ZRANB3: variants seen among roughly 807,000 people sequenced by gnomAD.
The protein encoded by ZRANB3 is zinc finger RANBP2-type containing 3, also known as DNA annealing helicase and endonuclease ZRANB3.
Under a neutral mutation model 133.8 loss-of-function variants are expected in ZRANB3, and 125 were observed. That is an observed-to-expected ratio of 0.93 (90% CI 0.81 to 1.08). ZRANB3 has a LOEUF of 1.08. ZRANB3 is among the 50% of genes least tolerant of loss of function. The pLI is 0.00. For synonymous variants in ZRANB3, 387 were observed against 432.7 expected (o/e 0.89, Z 1.31); for missense variants, 1,229 against 1,275.5 (o/e 0.96, Z 0.56).
intron 2 of ZRANB3, among the ~76,000 whole-genome samples, chr2:135,485,070 A>G (rs943581607): frequency 6.6e-6 from 1 of 152,058 alleles, no homozygotes; most frequent in Admixed American, 6.6e-5. Flanking sequence ...ATATATTTTT[A>G]AAACCCCAAT....
rs562648745 is a variant in ZRANB3, at chr2:135,403,424, G to A, written c.162-12604C>T. Among the ~76,000 whole-genome samples, 72 of 152,306 alleles carry A rather than the reference G, an allele frequency of 4.7e-4. 1 individual carries two copies. The highest frequency in any genetic ancestry group is 3.4e-3 in the Middle Eastern group (1 of 294). On this transcript the variant is annotated intron_variant, in intron 2 of 20. Coordinates refer to ENST00000264159, the MANE Select transcript of ZRANB3 (RefSeq NM_032143.4). Reference sequence around the variant, plus strand: ...CTGGGGGAGAGGCGCCCGCCATTGCGGAGGCTTGAGTAGGTAAACAAACCA... The same window carrying A: ...CTGGGGGAGAGGCGCCCGCCATTGCAGAGGCTTGAGTAGGTAAACAAACCA...
At chr2:135,295,175 G>T (rs1681990992) in intron 8 of ZRANB3, among the ~76,000 whole-genome samples, 1 of 152,006 alleles carries the variant, frequency 6.6e-6, no homozygotes. Flanking sequence ...TTGATAGTGG[G>T]GTGTTAAAGT....
chr2:135,342,235 G>C lies in ZRANB3; in HGVS notation c.677+3315C>G, dbSNP rs749383586. ...GCCAACACTTAGGGAAAATAGAAAA[G>C]AACCTACATTGAAATATTGGGGGCC... On this transcript the variant is annotated intron_variant, in intron 6 of 20. Transcript: ENST00000264159. 2.0e-5 allele frequency among the ~76,000 whole-genome samples: 3 copies of C among 149,634 alleles called. 1 individual carries two copies. Among genetic ancestry groups the C allele is most frequent in the African/African-American group, 7.7e-5 (3 of 39,092 alleles).
intron 3 of ZRANB3, 60 bp from the exon 4 acceptor site, chr2:135,353,688 T>G (rs1265401518): frequency 8.7e-7 from 1 of 1,148,772 alleles, no homozygotes; most frequent in Non-Finnish European, 1.2e-6. Flanking sequence ...AAAGAAAATA[T>G]TTATCAAACA....
chr2:135,245,410 C>T (rs1404332793), intron 12 of ZRANB3, among the ~76,000 whole-genome samples: 1 of 152,082 alleles, frequency 6.6e-6, no homozygotes, highest in Non-Finnish European at 1.5e-5. Context: ...ATTATACCTG[C>T]TGGATGGAAA....
intron 13 of ZRANB3, among the ~76,000 whole-genome samples, chr2:135,228,861 A>C (rs538918451): frequency 6.6e-6 from 1 of 152,280 alleles, no homozygotes; most frequent in Non-Finnish European, 1.5e-5. Flanking sequence ...TTATTCACAA[A>C]AGGTAGTTTT....
chr2:135,319,197 C>T (rs984942373), intron 6 of ZRANB3, among the ~76,000 whole-genome samples: 1 of 151,656 alleles, frequency 6.6e-6, no homozygotes, highest in African/African-American at 2.4e-5. Flanking sequence ...AAGTGAAGTA[C>T]AAATATGAGT....
Position 135,220,276 on chromosome 2 carries a change from G to A in ZRANB3, c.2251-1098C>T, listed in dbSNP as rs78391311. Among the ~76,000 whole-genome samples, 480 of 150,840 alleles carry A rather than the reference G, an allele frequency of 3.2e-3. 2 individuals carry two copies. Among genetic ancestry groups the A allele is most frequent in the African/African-American group, 0.01 (424 of 41,064 alleles). ...GAGCTATTTCCTTTATAAAGGGGAA[G>A]AAGAACATCTCATACGAAAATCTAT... On this transcript the variant is annotated intron_variant, in intron 15 of 20. Coordinates refer to ENST00000264159, the MANE Select transcript of ZRANB3 (RefSeq NM_032143.4).
chr2:135,319,099 AC>A (rs1332610020), intron 6 of ZRANB3, among the ~76,000 whole-genome samples: 1 of 152,256 alleles, frequency 6.6e-6, no homozygotes, highest in East Asian at 1.9e-4. Context: ...CATGGGCACA[AC>A]TTGACTGACA....
intron 20 of ZRANB3, among the ~76,000 whole-genome samples, chr2:135,201,427 T>C (rs1156676524): frequency 6.6e-6 from 1 of 151,858 alleles, no homozygotes; most frequent in East Asian, 1.9e-4. Context: ...CCAAGGCAGG[T>C]AGATCACCTG....
chr2:135,422,202 C>CT (rs1417116899), intron 2 of ZRANB3, among the ~76,000 whole-genome samples: 10 of 152,156 alleles, frequency 6.6e-5, no homozygotes, highest in Middle Eastern at 6.8e-3. Flanking sequence ...TTCTGCTCCC[C>CT]TTATAAGATA....
chr2:135,491,163 G>A (rs1017946395), intron 2 of ZRANB3, among the ~76,000 whole-genome samples: 12 of 152,066 alleles, frequency 7.9e-5, no homozygotes, highest in Non-Finnish European at 1.0e-4. Flanking sequence ...AAAAGGGACC[G>A]AGGGAAGCAA....
rs116667426 is a variant in ZRANB3, at chr2:135,486,298, T to A, written c.161+18031A>T. 4.1e-3 allele frequency among the ~76,000 whole-genome samples: 618 copies of A among 152,352 alleles called. 5 individuals carry two copies. The highest frequency in any genetic ancestry group is 0.014 in the African/African-American group (590 of 41,590). ...TATCAACTCAGTATACGTTTTATTC[T>A]TAATTTTTTGTTGTCACTTCAACAT... On this transcript the variant is annotated intron_variant, in intron 2 of 20. Transcript: ENST00000264159.
In ZRANB3 at chr2:135,504,502, A is replaced by G; in HGVS notation, c.-7-6T>C. ...GAACCCTAGGCATGATGATCCTAAA[A>G]ACAAAGAAACAACAAAAAAGGGAGG... On this transcript the variant is annotated splice_region_variant and splice_polypyrimidine_tract_variant and intron_variant, in intron 1 of 20. Transcript: ENST00000264159. The G allele has an allele frequency of 6.3e-7, 1 of 1,599,912 alleles. No individual in the cohort carries two copies. The highest frequency in any genetic ancestry group is 8.5e-7 in the Non-Finnish European group (1 of 1,175,022).
At position 135,508,035 on chromosome 2, in the gene ZRANB3, T is replaced by C. The variant is rs1559044924; in HGVS notation, c.-7-3539A>G. On this transcript the variant is annotated intron_variant, in intron 1 of 20. Transcript: ENST00000264159. ...CTTTACATTTTACTTAGTAAAAAAT[T>C]TTAATAGACACTCCAAAAAAATCTG... 2.0e-5 allele frequency among the ~76,000 whole-genome samples: 3 copies of C among 152,032 alleles called. No individual in the cohort carries two copies. In the South Asian group the frequency reaches 6.2e-4, roughly 32 times the overall value.
chr2:135,315,527 A>G lies in ZRANB3; in HGVS notation c.681T>C (p.Tyr227=), dbSNP rs963504310. The G allele has an allele frequency of 4.0e-6, 6 of 1,505,356 alleles. No homozygotes were observed. In the African/African-American group the frequency reaches 7.1e-5, roughly 18 times the overall value. 93.2% of individuals were successfully genotyped at this position (1,505,356 alleles called of 1,614,324 possible). A position where few individuals can be genotyped will look rare whatever the true frequency, so the allele number is the denominator to read the frequency against. ...AKRYCNAHIR[Y]FGKRPQWDCR... is the part of the protein sequence containing the mutation. The stretch of plus-strand genomic sequence containing the variant: ...AATCCCACTGAGGTCTTTTACCAAA[A>G]TATCTGTTAAAATGAAGACAAAACA... Residue 227 remains tyrosine, a synonymous_variant, in exon 7 of 21, where the codon TAT becomes TAC. Coordinates refer to ENST00000264159, the MANE Select transcript of ZRANB3 (RefSeq NM_032143.4).
chr2:135,266,760 A>C (rs1351739834), intron 11 of ZRANB3, among the ~76,000 whole-genome samples: 2 of 151,542 alleles, frequency 1.3e-5, no homozygotes, highest in African/African-American at 4.8e-5. Context: ...GCAAGACTCC[A>C]TCTCTTAAAA....
intron 2 of ZRANB3, among the ~76,000 whole-genome samples, chr2:135,476,005 G>A (rs1047289676): frequency 6.6e-6 from 1 of 152,106 alleles, no homozygotes; most frequent in Non-Finnish European, 1.5e-5. Context: ...TTGAACCCGG[G>A]AGGCGGAGGT....
At chr2:135,351,262 T>C (rs1685191787) in intron 4 of ZRANB3, among the ~76,000 whole-genome samples, 1 of 148,390 alleles carries the variant, frequency 6.7e-6, no homozygotes, top group African/African-American at 2.5e-5. Context: ...GACCTATAAT[T>C]TTCTTTTTTT....
Sources: gnomAD v4.1 joint callset for allele counts (sites outside exome capture counted in the v4.1 genomes callset) on GRCh38, gnomAD v4.1.1 for gene constraint, MANE v1.5 for transcripts, NCBI Gene and HGNC (gene_info 2026-07-23, HGNC 2026-07-21) for gene names.